HECTD4: variants seen among roughly 807,000 people sequenced by gnomAD.
The protein encoded by HECTD4 is probable E3 ubiquitin-protein ligase HECTD4.
Under a neutral mutation model 471.5 loss-of-function variants are expected in HECTD4, and 114 were observed. The observed-to-expected ratio is 0.24, with a 90% CI of 0.21 to 0.28. The LOEUF (loss-of-function observed/expected upper bound fraction) is 0.28. Among genes scored for constraint, HECTD4 ranks in the 10% least tolerant of loss-of-function variants. HECTD4 has a pLI of 1.00. For synonymous variants in HECTD4, 2,012 were observed against 2,256.0 expected, an observed-to-expected ratio of 0.89 and a Z score of 3.07; for missense variants, 3,866 against 5,651.5, an observed-to-expected ratio of 0.68 and a Z score of 10.13.
In HECTD4 at chr12:112,172,705, C is replaced by T. The variant is rs775479536; in HGVS notation, c.11751G>A (p.Ala3917=). ...AGGCCACTCTGGGGTCAGCAGCATC[C>T]GCGGGGTCCAGGTACACCTCATGGG... The part of the protein sequence containing the change: ...LHPHEVYLDP[A]DAADPRVACL... The change falls in exon 67 of 76, where the codon GCG becomes GCA. Residue 3917 remains alanine, a synonymous_variant. Coordinates refer to ENST00000682272, the MANE Select transcript of HECTD4 (RefSeq NM_001388303.1). The T allele has an allele frequency of 5.3e-5, 85 of 1,613,898 alleles. No homozygotes were observed. Among genetic ancestry groups the T allele is most frequent in the Middle Eastern group, 3.3e-4 (2 of 6,076 alleles).
At chr12:112,275,938 A>C (rs549015344) in intron 9 of HECTD4, among the ~76,000 whole-genome samples, 1 of 152,176 alleles carries the variant, frequency 6.6e-6, no homozygotes, top group Non-Finnish European at 1.5e-5. Context: ...TTTATGGCTT[A>C]AACTCAAAAC....
At chr12:112,339,073 A>G (rs2036007539) in intron 1 of HECTD4, among the ~76,000 whole-genome samples, 1 of 151,940 alleles carries the variant, frequency 6.6e-6, no homozygotes, top group African/African-American at 2.4e-5. Flanking sequence ...CCATCAATCC[A>G]CTCCTAGGTA....
intron 9 of HECTD4, among the ~76,000 whole-genome samples, chr12:112,278,287 A>G (rs1016366865): frequency 9.9e-5 from 15 of 152,282 alleles, no homozygotes; most frequent in Middle Eastern, 3.4e-3. Flanking sequence ...CAACTCTGTG[A>G]ACATATTAAA....
chr12:112,167,285 T>G (rs748821725), intron 72 of HECTD4, 32 bp downstream of exon 72: 1 of 1,564,690 alleles, frequency 6.4e-7, no homozygotes. Context: ...CCCCGGGTTC[T>G]GCAGCCCCCC....
intron 7 of HECTD4, among the ~76,000 whole-genome samples, chr12:112,286,018 T>C (rs1001551422): frequency 5.3e-5 from 8 of 152,202 alleles, no homozygotes; most frequent in South Asian, 2.1e-4. Context: ...AGAAAATCAA[T>C]AGATACCTTA....
intron 7 of HECTD4, among the ~76,000 whole-genome samples, chr12:112,286,476 C>A (rs978133427): frequency 6.6e-6 from 1 of 152,272 alleles, no homozygotes; most frequent in Non-Finnish European, 1.5e-5. Context: ...GAGTTCGAGA[C>A]CAGCCTGGGC....
intron 7 of HECTD4, among the ~76,000 whole-genome samples, chr12:112,284,956 C>T (rs748348705): frequency 6.6e-6 from 1 of 152,106 alleles, no homozygotes; most frequent in Non-Finnish European, 1.5e-5. Context: ...CCCAGCCTCT[C>T]GAGTAGCTGG....
chr12:112,346,673 G>A (rs2036157437), intron 1 of HECTD4, among the ~76,000 whole-genome samples: 1 of 152,144 alleles, frequency 6.6e-6, no homozygotes, highest in African/African-American at 2.4e-5. Flanking sequence ...AGATTTTTGT[G>A]TTGAGGCTGC....
intron 4 of HECTD4, among the ~76,000 whole-genome samples, chr12:112,312,135 T>C (rs990927905): frequency 6.6e-6 from 1 of 152,230 alleles, no homozygotes; most frequent in Non-Finnish European, 1.5e-5. Context: ...AGACTCTCTG[T>C]CCCACACCTG....
intron 53 of HECTD4, among the ~76,000 whole-genome samples, chr12:112,204,193 C>A (rs1453816702): frequency 2.0e-5 from 3 of 152,232 alleles, no homozygotes; most frequent in African/African-American, 7.2e-5. Context: ...CAGGCGTGCG[C>A]CACCAGGCCC....
rs563281491 is a variant in HECTD4, at chr12:112,371,506, C to T, written c.177+10446G>A. On this transcript the variant is annotated intron_variant, in intron 1 of 75. Transcript: ENST00000682272. ...AGAAGAATAGCTTGAACCCAAGAGGCGGAGGTTTTAGTGAGCCGAGATCAC... is the reference window on the plus strand; with the variant it reads ...AGAAGAATAGCTTGAACCCAAGAGGTGGAGGTTTTAGTGAGCCGAGATCAC... Among the ~76,000 whole-genome samples the T allele has an allele frequency of 5.3e-5, 8 of 151,626 alleles. No homozygotes were observed. The East Asian group carries it at 1.4e-3, about 26-fold the overall frequency.
Position 112,193,686 on chromosome 12 carries a change from A to G in HECTD4, c.8750-12T>C. The G allele has an allele frequency of 5.6e-6, 9 of 1,603,318 alleles. No individual in the cohort carries two copies. Among genetic ancestry groups the G allele is most frequent in the African/African-American group, 1.3e-5 (1 of 74,924 alleles). ...GCTGATGGTGCCGTCTGGGGACGGAAAGGAAACAGAAGTTGACAAGAATCA... is the reference window on the plus strand; with the variant it reads ...GCTGATGGTGCCGTCTGGGGACGGAGAGGAAACAGAAGTTGACAAGAATCA... On this transcript the variant is annotated splice_polypyrimidine_tract_variant and intron_variant, in intron 56 of 75. Transcript: ENST00000682272. This position sits in a 1 kb window ranked among gnomAD's most constrained non-coding sequence, Gnocchi z 5.2.
intron 7 of HECTD4, among the ~76,000 whole-genome samples, chr12:112,288,204 T>C (rs2034798617): frequency 6.6e-6 from 1 of 151,490 alleles, no homozygotes; most frequent in Non-Finnish European, 1.5e-5. Flanking sequence ...GGTATGCACC[T>C]GTAATTCCAG....
chr12:112,251,526 A>G (rs537834982), intron 23 of HECTD4, among the ~76,000 whole-genome samples: 221 of 152,320 alleles, frequency 1.5e-3, no homozygotes, highest in Middle Eastern at 0.014. Flanking sequence ...GACTGCAGTG[A>G]ATTCATTCAA....
chr12:112,380,421 G>C (rs2036866037), intron 1 of HECTD4, among the ~76,000 whole-genome samples: 1 of 151,926 alleles, frequency 6.6e-6, no homozygotes, highest in African/African-American at 2.4e-5. Context: ...CTCCAGCCTG[G>C]GCGACAGAGC....
chr12:112,266,866 C>CA (rs774735424), intron 14 of HECTD4, 46 bp downstream of exon 14: 34 of 965,324 alleles, frequency 3.5e-5, no homozygotes, highest in South Asian at 2.6e-4. Flanking sequence ...TCCTTGGGGA[C>CA]AAAAAAAGGA....
chr12:112,256,188 G>A (rs1480509166), intron 21 of HECTD4, 132 bp downstream of exon 21: 5 of 597,950 alleles, frequency 8.4e-6, no homozygotes, highest in Non-Finnish European at 1.3e-5. Context: ...CTTTATCTTA[G>A]GAAAGTTCTC....
At chr12:112,336,450 G>A (rs1020154047) in intron 1 of HECTD4, among the ~76,000 whole-genome samples, 1 of 151,906 alleles carries the variant, frequency 6.6e-6, no homozygotes, top group African/African-American at 2.4e-5. Context: ...GTGAACCTGG[G>A]AGGCGGAGCT....
rs2031182582 is a variant in HECTD4, at chr12:112,170,741, G to A, written c.11933-289C>T. 8.2e-6 allele frequency: 4 copies of A among 490,180 alleles called. No homozygotes were observed. In the South Asian group the frequency reaches 1.1e-4, roughly 14 times the overall value. 30.4% of individuals were successfully genotyped at this position (490,180 alleles called of 1,614,324 possible). ...TTTAAAAAAAGACAAAAAGCTGTGT[G>A]TGTGCACACATGTGTCTGTTTATAT... On this transcript the variant is annotated intron_variant, in intron 68 of 75. Coordinates refer to ENST00000682272, the MANE Select transcript of HECTD4 (RefSeq NM_001388303.1).
Sources: gnomAD v4.1 joint callset for allele counts (sites outside exome capture counted in the v4.1 genomes callset) on GRCh38, gnomAD v4.1.1 for gene constraint, Gnocchi (gnomAD v3.1) non-coding constraint, MANE v1.5 for transcripts, NCBI Gene and HGNC (gene_info 2026-07-23, HGNC 2026-07-21) for gene names.